The following ANGPT1 variants were observed in gnomAD, a reference collection of about 807,000 sequenced individuals.
The protein encoded by ANGPT1 is angiopoietin-1.
Under a neutral mutation model 62.2 loss-of-function variants are expected in ANGPT1, and 17 were observed. The observed-to-expected ratio is 0.27, with a 90% CI of 0.19 to 0.41. The LOEUF (loss-of-function observed/expected upper bound fraction) is 0.41. Ranked by LOEUF, ANGPT1 falls within the 10% of genes least tolerant of loss-of-function variation. The pLI is 1.00. For synonymous variants in ANGPT1, 199 were observed against 198.9 expected (o/e 1.00, Z 0.00); for missense variants, 478 against 594.9 (o/e 0.80, Z 2.04).
chr8:107,423,827 C>CTTTTTT lies in ANGPT1; in HGVS notation c.297+73429_297+73434dup, dbSNP rs869079818. ...TTCAGGTACCTTTTCCTTTTCCTTT[C>CTTTTTT]TTTTTTTTTTTTTTTTTTTTTTTTT... On this transcript the variant is annotated intron_variant, in intron 1 of 8. Coordinates refer to ENST00000517746, the MANE Select transcript of ANGPT1 (RefSeq NM_001146.5). 9.1e-4 allele frequency among the ~76,000 whole-genome samples: 68 copies of CTTTTTT among 74,476 alleles called. 3 individuals carry two copies. The highest frequency in any genetic ancestry group is 1.8e-3 in the African/African-American group (31 of 17,594). The allele number at this position is 74,476 out of a possible 152,430, so 48.9% of individuals were successfully genotyped here.
chr8:107,288,365 A>C (rs1303857636), intron 6 of ANGPT1, among the ~76,000 whole-genome samples: 1 of 152,152 alleles, frequency 6.6e-6, no homozygotes, highest in Non-Finnish European at 1.5e-5. Flanking sequence ...ATCTCTTTCA[A>C]GCCCTCTCTT....
intron 3 of ANGPT1, among the ~76,000 whole-genome samples, chr8:107,334,849 T>C (rs1815523278): frequency 6.6e-6 from 1 of 152,190 alleles, no homozygotes; most frequent in African/African-American, 2.4e-5. Context: ...CTAGAACATT[T>C]AATCATGCAA....
chr8:107,393,232 T>C (rs1389669042), intron 1 of ANGPT1, among the ~76,000 whole-genome samples: 21 of 152,124 alleles, frequency 1.4e-4, no homozygotes, highest in Non-Finnish European at 2.9e-4. Flanking sequence ...AGTGTGAACA[T>C]TCTGAAAAAG....
intron 1 of ANGPT1, among the ~76,000 whole-genome samples, chr8:107,391,244 C>A (rs1816829591): frequency 6.6e-6 from 1 of 152,198 alleles, no homozygotes; most frequent in Non-Finnish European, 1.5e-5. Flanking sequence ...TATGGGAGAG[C>A]AAGTTTCTCC....
chr8:107,422,597 T>C (rs1238719152), intron 1 of ANGPT1, among the ~76,000 whole-genome samples: 2 of 152,162 alleles, frequency 1.3e-5, no homozygotes, highest in African/African-American at 4.8e-5. Flanking sequence ...TTGCATCTCA[T>C]CAAAGTTTTT....
intron 1 of ANGPT1, among the ~76,000 whole-genome samples, chr8:107,461,087 T>A (rs1812059631): frequency 6.6e-6 from 1 of 152,176 alleles, no homozygotes; most frequent in Admixed American, 6.6e-5. Context: ...TAAATATGTG[T>A]AACTAAAAAC....
intron 3 of ANGPT1, among the ~76,000 whole-genome samples, chr8:107,327,223 T>C (rs780195631): frequency 6.6e-6 from 1 of 152,146 alleles, no homozygotes; most frequent in African/African-American, 2.4e-5. Context: ...TTTAATTATA[T>C]TGTTAATATA....
chr8:107,478,224 T>A (rs1295599466), intron 1 of ANGPT1, among the ~76,000 whole-genome samples: 1 of 150,920 alleles, frequency 6.6e-6, no homozygotes, highest in Non-Finnish European at 1.5e-5. Flanking sequence ...CTTCTTTTAT[T>A]TGGCCTCAGT....
chr8:107,393,264 A>G (rs1816869920), intron 1 of ANGPT1, among the ~76,000 whole-genome samples: 1 of 152,184 alleles, frequency 6.6e-6, no homozygotes, highest in South Asian at 2.1e-4. Flanking sequence ...GAGAACAAAT[A>G]TAGATCAGTG....
At chr8:107,431,302 G>C (rs965125755) in intron 1 of ANGPT1, among the ~76,000 whole-genome samples, 1 of 152,172 alleles carries the variant, frequency 6.6e-6, no homozygotes, top group Non-Finnish European at 1.5e-5. Context: ...CACAGATTTT[G>C]GTTGGAAGTC....
At chr8:107,468,010 G>T (rs946277315) in intron 1 of ANGPT1, among the ~76,000 whole-genome samples, 5 of 152,028 alleles carry the variant, frequency 3.3e-5, no homozygotes, top group African/African-American at 1.2e-4. Flanking sequence ...ATGTTTGAAG[G>T]CATTTGTGTA....
At chr8:107,482,893 C>T (rs1227260120) in intron 1 of ANGPT1, among the ~76,000 whole-genome samples, 3 of 152,100 alleles carry the variant, frequency 2.0e-5, no homozygotes, top group East Asian at 1.9e-4. Context: ...ATCACCACTT[C>T]GCCATTGATT....
intron 1 of ANGPT1, among the ~76,000 whole-genome samples, chr8:107,406,885 C>CAAAA (rs10628191): frequency 7.1e-6 from 1 of 141,834 alleles, no homozygotes; most frequent in African/African-American, 2.6e-5. Flanking sequence ...ATTAAATCCT[C>CAAAA]AAAAAAAAAA....
chr8:107,293,338 T>C (rs919818665), intron 6 of ANGPT1, among the ~76,000 whole-genome samples: 3 of 152,104 alleles, frequency 2.0e-5, no homozygotes, highest in African/African-American at 7.2e-5. Context: ...TGACCAACCA[T>C]AACCAACAGA....
At chr8:107,347,411 T>C (rs565557068) in intron 1 of ANGPT1, among the ~76,000 whole-genome samples, 1 of 150,146 alleles carries the variant, frequency 6.7e-6, no homozygotes, top group Admixed American at 6.6e-5. Context: ...GTCAGCTTTA[T>C]TGTTTTGTTT....
At chr8:107,286,472 A>C (rs1192621404) in intron 6 of ANGPT1, among the ~76,000 whole-genome samples, 1 of 152,126 alleles carries the variant, frequency 6.6e-6, no homozygotes, top group Non-Finnish European at 1.5e-5. Flanking sequence ...CTGAAACTAG[A>C]GATTGGATGC....
chr8:107,266,669 C>T (rs573363230), intron 7 of ANGPT1, among the ~76,000 whole-genome samples: 2 of 152,072 alleles, frequency 1.3e-5, no homozygotes, highest in African/African-American at 2.4e-5. Context: ...TTCCTTTTTA[C>T]GGTAAGTCAA....
At chr8:107,274,845 G>C (rs771709731) in intron 7 of ANGPT1, among the ~76,000 whole-genome samples, 4 of 151,310 alleles carry the variant, frequency 2.6e-5, no homozygotes, top group Admixed American at 1.3e-4. Flanking sequence ...CTTTTTTTTC[G>C]AGACATGTGC....
At chr8:107,488,270 C>T (rs1812866429) in intron 1 of ANGPT1, among the ~76,000 whole-genome samples, 1 of 152,174 alleles carries the variant, frequency 6.6e-6, no homozygotes, top group Non-Finnish European at 1.5e-5. Context: ...TGTAATGTTT[C>T]TTTGTGCCCA....
Sources: allele counts gnomAD v4.1 joint callset (sites outside exome capture counted in the v4.1 genomes callset), GRCh38; gene constraint gnomAD v4.1.1; transcripts MANE v1.5; gene names NCBI Gene and HGNC (gene_info 2026-07-23, HGNC 2026-07-21).